SLC12A2: variants seen among roughly 807,000 people sequenced by gnomAD.
SLC12A2 encodes Na-K-2Cl cotransporter 1.
In SLC12A2, 67 loss-of-function variants were observed where a neutral mutation model predicts 136.3. The ratio of observed to expected loss-of-function variants is 0.49; its 90% CI spans 0.40 to 0.60. The LOEUF (loss-of-function observed/expected upper bound fraction) is 0.60. SLC12A2 is among the 20% of genes least tolerant of loss of function. SLC12A2 has a pLI of 0.00. For synonymous variants in SLC12A2, 619 were observed against 562.9 expected (o/e 1.10, Z -1.41); for missense variants, 1,322 against 1,534.7 (o/e 0.86, Z 2.32).
rs780387404 is a variant in SLC12A2, at chr5:128,184,809, A to T, written c.3456A>T (p.Leu1152Phe). Residue 1152 changes from leucine to phenylalanine, a missense_variant, in exon 26 of 27, where the codon TTA (leucine) becomes TTT (phenylalanine). This residue lies in a region of SLC12A2 where 172 missense variants were observed against 227.4 expected (regional missense o/e 0.76). Coordinates refer to ENST00000262461, the MANE Select transcript of SLC12A2 (RefSeq NM_001046.3). ...YKTKTYRQIR[L>F]NELLKEHSST... Reference sequence around the variant, plus strand: ...TTCAGACATACCGGCAGATCAGGTTAAATGAGTTATTAAAGGAACATTCAA... The same window carrying T: ...TTCAGACATACCGGCAGATCAGGTTTAATGAGTTATTAAAGGAACATTCAA... The T allele has an allele frequency of 6.2e-7, 1 of 1,609,470 alleles. No individual in the cohort carries two copies. Among genetic ancestry groups the T allele is most frequent in the Non-Finnish European group, 8.5e-7 (1 of 1,175,954 alleles).
chr5:128,131,306 C>T (rs1762015367), intron 5 of SLC12A2, 100 bp downstream of exon 5: 3 of 1,155,572 alleles, frequency 2.6e-6, no homozygotes, highest in Middle Eastern at 2.2e-4. Context: ...GATATGATGA[C>T]CAAGAGATTC....
intron 9 of SLC12A2, among the ~76,000 whole-genome samples, chr5:128,139,150 T>G (rs1015647809): frequency 4.6e-5 from 7 of 152,128 alleles, no homozygotes; most frequent in African/African-American, 2.4e-5. Flanking sequence ...TATGGTAAAT[T>G]AAAAAATTAT....
Position 128,084,096 on chromosome 5 carries a change from C to T in SLC12A2, c.142C>T (p.Pro48Ser). ...AVPSVPEDAA[P>S]ASRDGGGVRD... ...GCCCTCGGTGCCGGAGGATGCTGCG[C>T]CCGCGAGCCGGGACGGCGGCGGGGT... The change falls in exon 1 of 27, where the codon CCC (proline) becomes TCC (serine). Residue 48 changes from proline (P) to serine (S), a missense_variant. Physicochemically the swap from Pro to Ser is moderately conservative, Grantham distance 74. Transcript: ENST00000262461. The surrounding 1 kb of genome is among the most constrained non-coding windows in gnomAD (Gnocchi z 5.6). 2 of 1,314,978 alleles carry T rather than the reference C, an allele frequency of 1.5e-6. No individual in the cohort carries two copies. Among genetic ancestry groups the T allele is most frequent in the Non-Finnish European group, 1.9e-6 (2 of 1,036,148 alleles). The allele number at this position is 1,314,978 out of a possible 1,614,324, so 81.5% of individuals were successfully genotyped here. A position where few individuals can be genotyped will look rare whatever the true frequency, so the allele number is the denominator to read the frequency against.
chr5:128,159,997 A>G (rs928029529), intron 16 of SLC12A2, among the ~76,000 whole-genome samples: 3 of 152,224 alleles, frequency 2.0e-5, no homozygotes, highest in African/African-American at 7.2e-5. Flanking sequence ...CCAAATGCCC[A>G]TCAATGATAG....
At chr5:128,095,740 T>A (rs1317666242) in intron 1 of SLC12A2, among the ~76,000 whole-genome samples, 1 of 152,196 alleles carries the variant, frequency 6.6e-6, no homozygotes, top group East Asian at 1.9e-4. Flanking sequence ...ATGTGTGGCC[T>A]AAGCCAATTC....
At position 128,134,165 on chromosome 5, in the gene SLC12A2, G is replaced by T; in HGVS notation, c.1189G>T (p.Glu397Ter). 6.7e-7 allele frequency: 1 copy of T among 1,482,024 alleles called. No individual in the cohort carries two copies. Among genetic ancestry groups the T allele is most frequent in the Non-Finnish European group, 9.4e-7 (1 of 1,064,134 alleles). 91.8% of individuals were successfully genotyped at this position (1,482,024 alleles called of 1,614,324 possible). Residue 397 changes from glutamate (E) to a stop codon, truncating the protein, a stop_gained and splice_region_variant, in exon 6 of 27, where the codon GAA (glutamate) becomes TAA (stop). Transcript: ENST00000262461. LOFTEE classifies it high-confidence loss of function. ...FAETVVELLKEHSILMIDEIN... is the reference protein window; with the variant it reads ...FAETVVELLK ...TTATATTTATGATTCCTTTTTCTAG[G>T]AACATTCCATACTTATGATAGATGA...
chr5:128,114,441 G>T, intron 3 of SLC12A2, 145 bp from the exon 4 acceptor site: 1 of 820,812 alleles, frequency 1.2e-6, no homozygotes, highest in African/African-American at 1.7e-5. Context: ...TCATAATTCT[G>T]ATTTGGTTTT....
At chr5:128,136,306 C>T (rs1018109672) in intron 7 of SLC12A2, among the ~76,000 whole-genome samples, 1 of 152,078 alleles carries the variant, frequency 6.6e-6, no homozygotes, top group Non-Finnish European at 1.5e-5. Context: ...TTGTCAGGAA[C>T]GTAAGTGAAC....
At chr5:128,099,573 CT>C (rs1760671019) in intron 1 of SLC12A2, among the ~76,000 whole-genome samples, 1 of 152,092 alleles carries the variant, frequency 6.6e-6, no homozygotes, top group Non-Finnish European at 1.5e-5. Flanking sequence ...TTGTTTAAAA[CT>C]TTTTGACACT....
At chr5:128,122,859 T>TA (rs1761641762) in intron 4 of SLC12A2, among the ~76,000 whole-genome samples, 4 of 152,082 alleles carry the variant, frequency 2.6e-5, no homozygotes. Flanking sequence ...TTCCTTTTTT[T>TA]AATAGCTAGT....
Position 128,184,437 on chromosome 5 carries a change from A to T in SLC12A2, c.3371A>T (p.Asp1124Val), listed in dbSNP as rs1274972785. 1 of 1,608,092 alleles carries T rather than the reference A, an allele frequency of 6.2e-7. No homozygotes were observed. The highest frequency in any genetic ancestry group is 8.5e-7 in the Non-Finnish European group (1 of 1,176,192). The part of the protein sequence containing the change: ...HEDDKEQDIA[D>V]KMKEDEPWRI... ...GATGATAAAGAGCAAGATATTGCAG[A>T]TAAAATGAAAGAAGATGAACCATGG... Residue 1124 changes from aspartate to valine, a missense_variant, in exon 25 of 27, where the codon GAT becomes GTT. Physicochemically the swap from Asp to Val is radical, Grantham distance 152. Transcript: ENST00000262461.
At chr5:128,110,882 AT>A in intron 1 of SLC12A2, 1 of 1,255,474 alleles carries the variant, frequency 8.0e-7, no homozygotes, top group Admixed American at 1.7e-5. Flanking sequence ...GAATATGCCA[AT>A]TTACAAGTGA....
At position 128,110,883 on chromosome 5, in the gene SLC12A2, T is replaced by C; in HGVS notation, c.757-1931T>C. On this transcript the variant is annotated intron_variant, in intron 1 of 26. Transcript: ENST00000262461. ...TCAAACTTTTCCAGGAATATGCCAA[T>C]TTACAAGTGAGTGGGCCGCAAATCT... is the stretch of plus-strand genomic sequence containing the variant. 2.4e-6 allele frequency: 3 copies of C among 1,248,802 alleles called. No homozygotes were observed. The East Asian group carries it at 7.0e-5, about 29-fold the overall frequency. 77.4% of individuals were successfully genotyped at this position (1,248,802 alleles called of 1,614,324 possible).
intron 4 of SLC12A2, 36 bp from the exon 5 acceptor site, chr5:128,131,031 A>G: frequency 6.2e-7 from 1 of 1,601,334 alleles, no homozygotes; most frequent in Non-Finnish European, 8.5e-7. Context: ...TCCTAACTTT[A>G]GTACCTGTTT....
At chr5:128,151,915 A>G (rs1280093634) in intron 14 of SLC12A2, among the ~76,000 whole-genome samples, 1 of 152,118 alleles carries the variant, frequency 6.6e-6, no homozygotes, top group African/African-American at 2.4e-5. Flanking sequence ...TAACTGAGTA[A>G]TGATTAATGA....
At chr5:128,156,048 T>C (rs1762859946) in intron 15 of SLC12A2, among the ~76,000 whole-genome samples, 1 of 152,012 alleles carries the variant, frequency 6.6e-6, no homozygotes, top group Non-Finnish European at 1.5e-5. Context: ...CTTAGTAGGG[T>C]TGGGGAGGTT....
intron 15 of SLC12A2, among the ~76,000 whole-genome samples, chr5:128,155,635 A>G (rs1762849770): frequency 6.6e-6 from 1 of 151,992 alleles, no homozygotes; most frequent in African/African-American, 2.4e-5. Context: ...TTCACCTTGT[A>G]GTTTCTTACT....
chr5:128,092,162 C>G (rs935701972), intron 1 of SLC12A2, among the ~76,000 whole-genome samples: 6 of 152,194 alleles, frequency 3.9e-5, no homozygotes, highest in African/African-American at 1.4e-4. Flanking sequence ...ATTACTCTGT[C>G]CATACATCCC....
In SLC12A2 at chr5:128,084,110, C is replaced by G. The variant is rs540907216; in HGVS notation, c.156C>G (p.Asp52Glu). The G allele has an allele frequency of 1.3e-3, 1,735 of 1,310,550 alleles. 12 individuals are homozygous for G. The South Asian group carries it at 0.015, about 11-fold the overall frequency. The allele number at this position is 1,310,550 out of a possible 1,614,324, so 81.2% of individuals were successfully genotyped here. ...VPEDAAPASR[D>E]GGGVRDEGPA... is the part of the protein sequence containing the mutation. ...AGGATGCTGCGCCCGCGAGCCGGGA[C>G]GGCGGCGGGGTCCGCGATGAGGGCC... Residue 52 changes from aspartate to glutamate, a missense_variant, in exon 1 of 27, where the codon GAC becomes GAG. Around this residue, in one of 8 missense-constraint regions of SLC12A2, gnomAD observed 358 missense variants for 299.7 expected, o/e 1.19. Transcript: ENST00000262461. The surrounding 1 kb of genome is among the most constrained non-coding windows in gnomAD (Gnocchi z 5.6).
Sources: gnomAD v4.1 joint callset for allele counts (sites outside exome capture counted in the v4.1 genomes callset) on GRCh38, gnomAD v4.1.1 for gene constraint, gnomAD v4.1.1 regional missense constraint, Gnocchi (gnomAD v3.1) non-coding constraint, MANE v1.5 for transcripts, NCBI Gene and HGNC (gene_info 2026-07-23, HGNC 2026-07-21) for gene names.